The following L3MBTL4 variants were observed in gnomAD, a reference collection of about 807,000 sequenced individuals.
L3MBTL4 encodes lethal(3)malignant brain tumor-like protein 4.
Under a neutral mutation model 84.5 loss-of-function variants are expected in L3MBTL4, and 70 were observed. That is an observed-to-expected ratio of 0.83 (90% CI 0.68 to 1.01). L3MBTL4 has a LOEUF of 1.01. Among genes scored for constraint, L3MBTL4 ranks in the 50% least tolerant of loss-of-function variants. The probability of loss-of-function intolerance (pLI) is 0.00; values close to 1 mark genes in which losing one functional copy is unlikely to be tolerated. For synonymous variants in L3MBTL4, 274 were observed against 259.8 expected (o/e 1.05, Z -0.52); for missense variants, 715 against 754.8 (o/e 0.95, Z 0.62).
chr18:6,157,862 A>T (rs951406195), intron 13 of L3MBTL4, among the ~76,000 whole-genome samples: 6 of 152,330 alleles, frequency 3.9e-5, no homozygotes, highest in African/African-American at 1.4e-4. Context: ...AAGAACAATG[A>T]CACAATTATT....
At chr18:6,382,559 C>T (rs2144371646) in intron 1 of L3MBTL4, among the ~76,000 whole-genome samples, 1 of 152,302 alleles carries the variant, frequency 6.6e-6, no homozygotes, top group South Asian at 2.1e-4. Flanking sequence ...TTCCTTCTAA[C>T]AGTCAGGCCC....
chr18:6,276,240 T>C (rs1384325095), intron 4 of L3MBTL4, among the ~76,000 whole-genome samples: 2 of 152,182 alleles, frequency 1.3e-5, no homozygotes, highest in African/African-American at 4.8e-5. Flanking sequence ...CTAAAATGTA[T>C]AAAATGAAGC....
At chr18:6,041,356 A>T (rs1003978510) in intron 16 of L3MBTL4, among the ~76,000 whole-genome samples, 2 of 152,114 alleles carry the variant, frequency 1.3e-5, no homozygotes, top group African/African-American at 4.8e-5. Context: ...TGCTTCCAAC[A>T]GGTGAGCACC....
intron 16 of L3MBTL4, among the ~76,000 whole-genome samples, chr18:5,981,037 G>A (rs1033453633): frequency 3.9e-5 from 6 of 152,118 alleles, no homozygotes; most frequent in Non-Finnish European, 7.4e-5. Context: ...AGCTTTCTGA[G>A]GAGGCCCTCC....
chr18:5,962,860 C>CT (rs1294555302), intron 17 of L3MBTL4, among the ~76,000 whole-genome samples: 2 of 152,182 alleles, frequency 1.3e-5, no homozygotes, highest in Non-Finnish European at 2.9e-5. Context: ...CCAGGTAATT[C>CT]TTTGCTGTGA....
chr18:6,043,800 G>A (rs1188340095), intron 16 of L3MBTL4, among the ~76,000 whole-genome samples: 2 of 152,150 alleles, frequency 1.3e-5, no homozygotes, highest in Admixed American at 6.5e-5. Context: ...TCCAATACTT[G>A]TGCTCTTAAC....
At chr18:5,960,478 C>G (rs774969095) in intron 17 of L3MBTL4, 6 of 165,028 alleles carry the variant, frequency 3.6e-5, no homozygotes, top group Non-Finnish European at 7.9e-5. Context: ...TCAGTGAGGG[C>G]GAGGCCAGTG....
intron 14 of L3MBTL4, among the ~76,000 whole-genome samples, chr18:6,124,388 A>G (rs992550015): frequency 1.5e-4 from 22 of 149,854 alleles, no homozygotes; most frequent in African/African-American, 5.4e-4. Flanking sequence ...AAAACTATAT[A>G]TAGACATATA....
At chr18:6,029,855 G>T (rs908871341) in intron 16 of L3MBTL4, 1 of 984,976 alleles carries the variant, frequency 1.0e-6, no homozygotes, top group Admixed American at 6.1e-5. Flanking sequence ...GATTAGAATA[G>T]GATAGATTCA....
Position 6,071,803 on chromosome 18 carries a change from A to G in L3MBTL4, c.1444+9078T>C, listed in dbSNP as rs1037739186. The stretch of plus-strand genomic sequence containing the variant: ...AAAGAAAGAAAGAAAGAAAGAAAGA[A>G]AAAGAAAGAAAGGAAAGAAAGAAAG... On this transcript the variant is annotated intron_variant, in intron 16 of 18. Transcript: ENST00000317931. Among the ~76,000 whole-genome samples the G allele has an allele frequency of 5.4e-3, 646 of 119,466 alleles. 7 individuals carry two copies. The highest frequency in any genetic ancestry group is 0.019 in the African/African-American group (595 of 31,028). 78.4% of individuals were successfully genotyped at this position (119,466 alleles called of 152,430 possible).
chr18:6,269,277 G>T (rs138034591), intron 4 of L3MBTL4, among the ~76,000 whole-genome samples: 1,902 of 152,132 alleles, frequency 0.013, 36 homozygotes, highest in African/African-American at 0.043. Context: ...CTAACATGGT[G>T]AAACCCCATC....
intron 17 of L3MBTL4, among the ~76,000 whole-genome samples, chr18:5,968,105 T>C (rs2052443514): frequency 6.6e-6 from 1 of 152,220 alleles, no homozygotes; most frequent in South Asian, 2.1e-4. Context: ...GCCTGCCTGT[T>C]CCTTGGCCCA....
At chr18:5,988,475 CA>C (rs2053557650) in intron 16 of L3MBTL4, among the ~76,000 whole-genome samples, 1 of 152,018 alleles carries the variant, frequency 6.6e-6, no homozygotes. Flanking sequence ...GAATTTAAAT[CA>C]CTAAAAAAAT....
chr18:6,253,074 C>T (rs1426616784), intron 5 of L3MBTL4, among the ~76,000 whole-genome samples: 8 of 152,140 alleles, frequency 5.3e-5, no homozygotes, highest in Admixed American at 2.0e-4. Flanking sequence ...TGGAGGTGTG[C>T]ACCTGTGGTC....
At chr18:6,108,828 T>C (rs1335438951) in intron 14 of L3MBTL4, among the ~76,000 whole-genome samples, 4 of 152,314 alleles carry the variant, frequency 2.6e-5, no homozygotes, top group East Asian at 1.9e-4. Context: ...AAAACAAATA[T>C]AGTATAACAA....
intron 5 of L3MBTL4, among the ~76,000 whole-genome samples, chr18:6,250,602 A>G (rs75752895): frequency 1.1e-3 from 160 of 152,248 alleles, no homozygotes; most frequent in African/African-American, 3.7e-3. Flanking sequence ...GCAGTCAAAA[A>G]TATTTTCCTC....
chr18:6,264,022 T>G lies in L3MBTL4; in HGVS notation c.144A>C (p.Ala48=). The G allele has an allele frequency of 6.2e-7, 1 of 1,612,748 alleles. No homozygotes were observed. The highest frequency in any genetic ancestry group is 8.5e-7 in the Non-Finnish European group (1 of 1,178,696). The change falls in exon 5 of 19, where the codon GCA becomes GCC. Residue 48 remains alanine (A), a synonymous_variant. Coordinates refer to ENST00000317931, the MANE Select transcript of L3MBTL4 (RefSeq NM_001330559.2). ...ACCACTCCCAAGACCATGCTCCCTG[T>G]GCAGCCGCTGAAGGGACTGGAAGAG... ...TPLSHVPSAA[A]QGAWSWEWYL...
At chr18:6,195,826 G>C (rs1002356575) in intron 12 of L3MBTL4, among the ~76,000 whole-genome samples, 1 of 152,166 alleles carries the variant, frequency 6.6e-6, no homozygotes, top group South Asian at 2.1e-4. Flanking sequence ...CAGAATAAGA[G>C]AGCAGGGTTT....
chr18:6,202,531 G>T (rs968214848), intron 12 of L3MBTL4, among the ~76,000 whole-genome samples: 12 of 152,170 alleles, frequency 7.9e-5, no homozygotes, highest in Non-Finnish European at 1.6e-4. Context: ...GTCTTCAGTG[G>T]TCCAGGTGAG....
Sources: gnomAD v4.1 joint callset for allele counts (sites outside exome capture counted in the v4.1 genomes callset) on GRCh38, gnomAD v4.1.1 for gene constraint, MANE v1.5 for transcripts, NCBI Gene and HGNC (gene_info 2026-07-23, HGNC 2026-07-21) for gene names.